The following CELF2 variants were observed in gnomAD, a reference collection of about 807,000 sequenced individuals.
CELF2 encodes the protein CUGBP Elav-like family member 2, also known as CUG triplet repeat RNA-binding protein 2.
In CELF2, 8 loss-of-function variants were observed where a neutral mutation model predicts 62.6. That is an observed-to-expected ratio of 0.13 (90% CI 0.07 to 0.23). CELF2 has a LOEUF of 0.23. Among genes scored for constraint, CELF2 ranks in the 10% least tolerant of loss-of-function variants. CELF2 has a pLI of 1.00. For synonymous variants in CELF2, 258 were observed against 250.0 expected, an observed-to-expected ratio of 1.03 and a Z score of -0.30; for missense variants, 333 against 671.0, an observed-to-expected ratio of 0.50 and a Z score of 5.56.
In CELF2 at chr10:11,191,140, G is replaced by A. The variant is rs1320437712; in HGVS notation, c.271+25458G>A. Among the ~76,000 whole-genome samples, 2 of 152,162 alleles carry A rather than the reference G, an allele frequency of 1.3e-5. No homozygotes were observed. The highest frequency in any genetic ancestry group is 1.9e-4 in the East Asian group (1 of 5,198). On this transcript the variant is annotated intron_variant, in intron 2 of 12. Coordinates refer to ENST00000633077, the MANE Select transcript of CELF2 (RefSeq NM_001326342.2). The surrounding 1 kb of genome is among the most constrained non-coding windows in gnomAD (Gnocchi z 4.1). ...ATCTGTTTTCTTGTCTGTAAATGGG[G>A]CCTGATGTATTGAAAGGCACCTGGC...
intron 1 of CELF2, chr10:11,097,941 T>C (rs993225805): frequency 6.6e-6 from 1 of 152,300 alleles, no homozygotes; most frequent in Non-Finnish European, 1.5e-5. Context: ...TGACACCTCA[T>C]GCATGGAGTC....
chr10:10,864,787 T>A (rs1410627278), intron 1 of CELF2, among the ~76,000 whole-genome samples: 1 of 152,188 alleles, frequency 6.6e-6, no homozygotes, highest in Non-Finnish European at 1.5e-5. Context: ...ATTCAGTTCA[T>A]AACCAACCAG....
intron 1 of CELF2, among the ~76,000 whole-genome samples, chr10:11,123,272 A>G (rs1385978893): frequency 4.0e-5 from 6 of 151,820 alleles, no homozygotes; most frequent in South Asian, 2.1e-4. Flanking sequence ...TTTTTTAGAG[A>G]CAGAAGCTTA....
intron 1 of CELF2, among the ~76,000 whole-genome samples, chr10:11,086,135 C>T (rs866224440): frequency 1.3e-5 from 2 of 152,160 alleles, no homozygotes; most frequent in Non-Finnish European, 2.9e-5. Flanking sequence ...GGGATCAAAT[C>T]TATAGGTACC....
intron 1 of CELF2, among the ~76,000 whole-genome samples, chr10:11,041,855 C>A (rs568356790): frequency 6.6e-6 from 1 of 152,088 alleles, no homozygotes; most frequent in Non-Finnish European, 1.5e-5. Context: ...ACTATATATA[C>A]GAAAGAATTG....
At chr10:10,837,390 C>T (rs1475563756) in intron 1 of CELF2, among the ~76,000 whole-genome samples, 1 of 152,132 alleles carries the variant, frequency 6.6e-6, no homozygotes, top group Non-Finnish European at 1.5e-5. Flanking sequence ...ACTATGAGTC[C>T]ATTAAACCTC....
the CELF2 span, among the ~76,000 whole-genome samples, chr10:10,681,283 A>G: frequency 2.0e-5 from 3 of 152,148 alleles, no homozygotes; most frequent in Non-Finnish European, 4.4e-5. Context: ...ATGGTCTGAA[A>G]AGTTAGCATT....
chr10:10,788,461 T>G, the CELF2 span, among the ~76,000 whole-genome samples: 1 of 127,692 alleles, frequency 7.8e-6, no homozygotes, highest in Non-Finnish European at 1.7e-5. Context: ...ATCTTTTTTT[T>G]TTTTTTTTTT....
the CELF2 span, among the ~76,000 whole-genome samples, chr10:10,664,686 TC>T: frequency 6.6e-6 from 1 of 152,204 alleles, no homozygotes; most frequent in Non-Finnish European, 1.5e-5. Flanking sequence ...TGAACCATCT[TC>T]CTTGAGTTCT....
At chr10:10,468,239 A>G in the CELF2 span, among the ~76,000 whole-genome samples, 1 of 151,978 alleles carries the variant, frequency 6.6e-6, no homozygotes, top group Non-Finnish European at 1.5e-5. Flanking sequence ...AACAGATACT[A>G]TCTTTCTTTG....
At chr10:11,294,052 T>C (rs982879514) in intron 9 of CELF2, among the ~76,000 whole-genome samples, 12 of 152,198 alleles carry the variant, frequency 7.9e-5, no homozygotes, top group Admixed American at 7.2e-4. Context: ...TTCTGAAGAA[T>C]AAATCAGTAC....
chr10:11,050,703 C>T (rs147152265), intron 1 of CELF2, among the ~76,000 whole-genome samples: 41 of 152,334 alleles, frequency 2.7e-4, no homozygotes, highest in Non-Finnish European at 4.6e-4. Context: ...ATCGTGCAGC[C>T]TCCTGTCTTC....
the CELF2 span, among the ~76,000 whole-genome samples, chr10:10,777,845 A>T: frequency 4.0e-5 from 6 of 151,726 alleles, no homozygotes; most frequent in Non-Finnish European, 8.8e-5. Context: ...CTTACCCTAA[A>T]CTCAACCCTA....
At position 10,865,024 on chromosome 10, in the gene CELF2, T is replaced by C. The variant is rs2060270514; in HGVS notation, c.54-54940T>C. 2.6e-5 allele frequency among the ~76,000 whole-genome samples: 4 copies of C among 152,242 alleles called. No homozygotes were observed. The South Asian group carries it at 8.3e-4, about 31-fold the overall frequency. On this transcript the variant is annotated intron_variant, in intron 1 of 13. Coordinates refer to the CELF2 transcript ENST00000636488. ...TGGATGCAGCAAACTTAATTTGCTG[T>C]ATCACCATATATTCATTTAAAAATC...
the CELF2 span, among the ~76,000 whole-genome samples, chr10:10,690,187 A>C: frequency 1.3e-5 from 2 of 152,058 alleles, no homozygotes; most frequent in African/African-American, 2.4e-5. Context: ...AAGATTTTCT[A>C]CCTCACCTTA....
At chr10:10,635,035 G>A in the CELF2 span, among the ~76,000 whole-genome samples, 1 of 152,092 alleles carries the variant, frequency 6.6e-6, no homozygotes, top group Admixed American at 6.6e-5. Context: ...GACAAAGGGT[G>A]GCAAACCAGC....
upstream of CELF2, chr10:11,005,192 G>A: frequency 1.4e-6 from 2 of 1,443,164 alleles, no homozygotes; most frequent in Non-Finnish European, 1.8e-6. The surrounding 1 kb of genome is among the most constrained non-coding windows in gnomAD (Gnocchi z 4.3). Flanking sequence ...GAATCTGCAG[G>A]AGCCCCCTTG....
At chr10:10,868,477 G>A (rs1454514765) in intron 1 of CELF2, among the ~76,000 whole-genome samples, 2 of 152,224 alleles carry the variant, frequency 1.3e-5, no homozygotes, top group African/African-American at 2.4e-5. Context: ...AAATGGCAAG[G>A]TCTCATGTCT....
chr10:11,213,107 C>CAA (rs5783203), intron 2 of CELF2, among the ~76,000 whole-genome samples: 5 of 151,944 alleles, frequency 3.3e-5, no homozygotes, highest in South Asian at 2.1e-4. Context: ...TAACATGGAG[C>CAA]GAGGCCTCTC....
Sources: gnomAD v4.1 joint callset for allele counts (sites outside exome capture counted in the v4.1 genomes callset) on GRCh38, gnomAD v4.1.1 for gene constraint, Gnocchi (gnomAD v3.1) non-coding constraint, MANE v1.5 for transcripts, NCBI Gene and HGNC (gene_info 2026-07-23, HGNC 2026-07-21) for gene names.